The following DNAH11 variants were observed in gnomAD, a reference collection of about 807,000 sequenced individuals.
The protein encoded by DNAH11 is axonemal beta dynein heavy chain 11.
A neutral mutation model predicts 526.0 loss-of-function variants in DNAH11; 442 were observed. That is an observed-to-expected ratio of 0.84 (90% CI 0.78 to 0.91). DNAH11 has a LOEUF of 0.91. Among genes scored for constraint, DNAH11 ranks in the 40% least tolerant of loss-of-function variants. DNAH11 has a pLI of 0.00. For missense variants in DNAH11, 6,989 were observed against 5,448.7 expected (o/e 1.28, Z -8.90); for synonymous variants, 2,461 against 1,935.9 (o/e 1.27, Z -7.12).
intron 74 of DNAH11, among the ~76,000 whole-genome samples, chr7:21,874,194 G>A (rs1451350429): frequency 6.7e-6 from 1 of 149,852 alleles, no homozygotes; most frequent in Non-Finnish European, 1.5e-5. Context: ...GTAATGACAT[G>A]GTAAAAGTTT....
intron 20 of DNAH11, among the ~76,000 whole-genome samples, chr7:21,612,283 T>C (rs182619506): frequency 9.8e-4 from 149 of 151,818 alleles, no homozygotes; most frequent in Non-Finnish European, 1.6e-3. Flanking sequence ...AGGCTGGGCA[T>C]GGTGGCTCAC....
intron 74 of DNAH11, among the ~76,000 whole-genome samples, chr7:21,879,149 TA>T (rs923499318): frequency 1.3e-5 from 2 of 151,496 alleles, no homozygotes; most frequent in East Asian, 1.9e-4. Context: ...TCTGCGTTCT[TA>T]AAAAAAAATC....
chr7:21,705,799 C>T (rs527275066), intron 39 of DNAH11, among the ~76,000 whole-genome samples: 1 of 152,272 alleles, frequency 6.6e-6, no homozygotes, highest in Non-Finnish European at 1.5e-5. Context: ...ATTGAACTTT[C>T]CACGTGAGAT....
intron 45 of DNAH11, among the ~76,000 whole-genome samples, chr7:21,732,197 A>G (rs908283833): frequency 1.3e-5 from 2 of 152,152 alleles, no homozygotes; most frequent in African/African-American, 4.8e-5. Context: ...TCCAAGTTCA[A>G]GGTGTCAGCA....
rs768905144 is a variant in DNAH11 at position 21,789,246 on chromosome 7, C to T, written c.9930C>T (p.Tyr3310=). The T allele has an allele frequency of 3.8e-6, 6 of 1,567,094 alleles. No individual in the cohort carries two copies. Among genetic ancestry groups the T allele is most frequent in the Middle Eastern group, 1.7e-4 (1 of 6,010 alleles). The change falls in exon 61 of 82, where the codon TAC becomes TAT. Residue 3310 remains tyrosine, a synonymous_variant. Transcript: ENST00000409508. ...VINIIKFYEV[Y]CDVEPKRQAL... The stretch of plus-strand genomic sequence containing the variant: ...ATTAATTCATGAATTTTCAGGTCTA[C>T]TGTGATGTGGAGCCAAAACGCCAAG...
chr7:21,700,652 A>T (rs1473712871), intron 36 of DNAH11, among the ~76,000 whole-genome samples: 2 of 152,176 alleles, frequency 1.3e-5, no homozygotes, highest in African/African-American at 4.8e-5. Context: ...ATAAAGACAC[A>T]TGCACACATA....
intron 28 of DNAH11, among the ~76,000 whole-genome samples, chr7:21,654,672 C>G (rs920785781): frequency 6.6e-6 from 1 of 152,200 alleles, no homozygotes; most frequent in Non-Finnish European, 1.5e-5. Flanking sequence ...CTGTTTTCCA[C>G]TTAGCGGCTT....
At chr7:21,787,744 T>C (rs1209771667) in intron 60 of DNAH11, among the ~76,000 whole-genome samples, 161 bp downstream of exon 60, 1 of 152,236 alleles carries the variant, frequency 6.6e-6, no homozygotes, top group East Asian at 1.9e-4. Flanking sequence ...TAAACAATTC[T>C]CTACAGGAGG....
intron 9 of DNAH11, among the ~76,000 whole-genome samples, chr7:21,586,006 A>G (rs761644988): frequency 2.0e-5 from 3 of 152,142 alleles, no homozygotes; most frequent in African/African-American, 7.2e-5. Context: ...AATGACCTTT[A>G]CTCTCCTCCT....
chr7:21,658,891 A>G lies in DNAH11; in HGVS notation c.5188A>G (p.Arg1730Gly). The change falls in exon 30 of 82, where the codon AGG (arginine) becomes GGG (glycine). Residue 1730 changes from arginine (R) to glycine (G), a missense_variant. Transcript: ENST00000409508. The part of the protein sequence containing the change: ...EAIVAYEEKP[R>G]ELWIFDFPAQ... The stretch of plus-strand genomic sequence containing the variant: ...CATAGTGGCCTACGAGGAAAAACCT[A>G]GGGAACTGTGGATTTTTGATTTCCC... The G allele has an allele frequency of 6.2e-7, 1 of 1,609,814 alleles. No individual in the cohort carries two copies. The highest frequency in any genetic ancestry group is 8.5e-7 in the Non-Finnish European group (1 of 1,178,124).
At chr7:21,711,315 C>T (rs986195449) in intron 41 of DNAH11, among the ~76,000 whole-genome samples, 21 of 152,172 alleles carry the variant, frequency 1.4e-4, no homozygotes, top group African/African-American at 5.1e-4. Flanking sequence ...AACTGAGACA[C>T]TGTTCATCAT....
In DNAH11 at chr7:21,842,577, T is replaced by G. The variant is rs775291484; in HGVS notation, c.10725T>G (p.Phe3575Leu). Residue 3575 changes from phenylalanine to leucine, a missense_variant, in exon 66 of 82, where the codon TTT (phenylalanine) becomes TTG (leucine). Phe to Leu is a conservative substitution (Grantham distance 22). Transcript: ENST00000409508. Reference protein sequence around the residue: ...YIRIGDKECEFNKNFRLILHT... With the variant: ...YIRIGDKECELNKNFRLILHT... ...GGATTGGAGATAAAGAATGTGAATT[T>G]AACAAGAACTTTCGCCTTATCCTTC... is the stretch of plus-strand genomic sequence containing the variant. 6.2e-7 allele frequency: 1 copy of G among 1,613,950 alleles called. No homozygotes were observed. The highest frequency in any genetic ancestry group is 8.5e-7 in the Non-Finnish European group (1 of 1,179,870).
At chr7:21,844,462 A>G (rs574541354) in intron 66 of DNAH11, among the ~76,000 whole-genome samples, 17 of 152,274 alleles carry the variant, frequency 1.1e-4, no homozygotes, top group Admixed American at 9.2e-4. Context: ...GGACTTGTTC[A>G]TATATTTACA....
Position 21,798,913 on chromosome 7 carries a change from TTAAA to T in DNAH11, c.10027-2214_10027-2211del, listed in dbSNP as rs544370716. Among the ~76,000 whole-genome samples, 8 of 152,262 alleles carry T rather than the reference TTAAA, an allele frequency of 5.3e-5. 1 individual carries two copies. The South Asian group carries it at 8.3e-4, about 16-fold the overall frequency. On this transcript the variant is annotated intron_variant, in intron 61 of 81. Transcript: ENST00000409508. ...CTAATACATGGTGAGCTTATTAATA[TTAAA>T]TAAATAAATTTTTAAATTTTTTTCA...
rs544611885 is a variant in DNAH11, at chr7:21,585,509, G to A, written c.1711-2555G>A. Among the ~76,000 whole-genome samples, 34 of 152,244 alleles carry A rather than the reference G, an allele frequency of 2.2e-4. No individual in the cohort carries two copies. In the South Asian group the frequency reaches 6.8e-3, roughly 31 times the overall value. ...CACAGACATGGCCAGGAAGGGCACC[G>A]GAACTGAGCGCTATTCTACTCTAAT... is the stretch of plus-strand genomic sequence containing the variant. On this transcript the variant is annotated intron_variant, in intron 9 of 81. Coordinates refer to ENST00000409508, the MANE Select transcript of DNAH11 (RefSeq NM_001277115.2).
intron 8 of DNAH11, among the ~76,000 whole-genome samples, chr7:21,578,617 C>T (rs1784191345): frequency 6.6e-6 from 1 of 152,200 alleles, no homozygotes; most frequent in African/African-American, 2.4e-5. Flanking sequence ...CCAGTGGGGA[C>T]TCTGTGTGGG....
intron 46 of DNAH11, among the ~76,000 whole-genome samples, chr7:21,737,643 G>A (rs1467334597): frequency 6.6e-6 from 1 of 152,166 alleles, no homozygotes; most frequent in Non-Finnish European, 1.5e-5. Flanking sequence ...GGGAACATAT[G>A]GAAATGACAT....
At chr7:21,660,251 G>A (rs1782188770) in intron 30 of DNAH11, among the ~76,000 whole-genome samples, 1 of 151,848 alleles carries the variant, frequency 6.6e-6, no homozygotes, top group Admixed American at 6.6e-5. Flanking sequence ...TGATATTTAT[G>A]CTTTTATTAT....
chr7:21,613,924 T>A (rs1346037386), intron 20 of DNAH11, among the ~76,000 whole-genome samples: 2 of 141,344 alleles, frequency 1.4e-5, no homozygotes, highest in African/African-American at 2.7e-5. Flanking sequence ...CATGCCACCA[T>A]GCCCAGCTAA....
Sources: allele counts gnomAD v4.1 joint callset (sites outside exome capture counted in the v4.1 genomes callset), GRCh38; gene constraint gnomAD v4.1.1; transcripts MANE v1.5; gene names NCBI Gene and HGNC (gene_info 2026-07-23, HGNC 2026-07-21).